Variants in HRH1 observed in about 807,000 individuals in gnomAD.
HRH1 encodes histamine H1 receptor.
In HRH1, 6 loss-of-function variants were observed where a neutral mutation model predicts 10.3. The observed-to-expected ratio is 0.58, with a 90% CI of 0.32 to 1.15. The LOEUF is 1.15. Among genes scored for constraint, HRH1 ranks in the 50% most tolerant of loss-of-function variants. The probability of loss-of-function intolerance (pLI) is 0.05; values close to 1 mark genes in which losing one functional copy is unlikely to be tolerated. For missense variants in HRH1, 514 were observed against 615.3 expected, an observed-to-expected ratio of 0.84 and a Z score of 1.74; for synonymous variants, 242 against 236.7, an observed-to-expected ratio of 1.02 and a Z score of -0.21.
chr3:11,194,155 G>A (rs946504366), intron 1 of HRH1, among the ~76,000 whole-genome samples: 3 of 152,184 alleles, frequency 2.0e-5, no homozygotes, highest in Non-Finnish European at 4.4e-5. Context: ...TGAGATGCTT[G>A]TATGAAGGAC....
chr3:11,146,549 A>G (rs1490150782), intron 1 of HRH1, among the ~76,000 whole-genome samples: 1 of 152,186 alleles, frequency 6.6e-6, no homozygotes, highest in Non-Finnish European at 1.5e-5. Flanking sequence ...CCAGACAAGA[A>G]TGAGGGAGAG....
In HRH1 at chr3:11,260,224, C is replaced by G. The variant is rs138501310; in HGVS notation, c.1187C>G (p.Ser396Trp). ...YIKFTWKRLR[S>W]HSRQYVSGLH... The stretch of plus-strand genomic sequence containing the variant: ...AAGTTTACTTGGAAGAGGCTCCGCT[C>G]GCATTCAAGACAGTATGTATCTGGG... The change falls in exon 2 of 2, where the codon TCG becomes TGG. Residue 396 changes from serine to tryptophan, a missense_variant. Ser to Trp is a radical substitution (Grantham distance 177). Transcript: ENST00000431010. 1.9e-6 allele frequency: 3 copies of G among 1,614,112 alleles called. No homozygotes were observed. In the South Asian group the frequency reaches 3.3e-5, roughly 18 times the overall value.
intron 1 of HRH1, among the ~76,000 whole-genome samples, chr3:11,246,512 A>C (rs535755359): frequency 6.6e-6 from 1 of 152,380 alleles, no homozygotes; most frequent in African/African-American, 2.4e-5. Context: ...CTCAGGGACC[A>C]GATTTTTCAA....
intron 1 of HRH1, among the ~76,000 whole-genome samples, chr3:11,140,510 G>A (rs1417967837): frequency 1.3e-5 from 2 of 152,012 alleles, no homozygotes; most frequent in Non-Finnish European, 2.9e-5. Flanking sequence ...CACCCTGGGA[G>A]CCCCTAGGGA....
intron 1 of HRH1, among the ~76,000 whole-genome samples, chr3:11,189,701 G>A (rs530557725): frequency 3.9e-5 from 6 of 152,178 alleles, no homozygotes; most frequent in African/African-American, 1.2e-4. Context: ...AGAGGCCAAA[G>A]GGGGTGGATC....
intron 1 of HRH1, among the ~76,000 whole-genome samples, chr3:11,250,109 C>G (rs1482149840): frequency 1.6e-5 from 2 of 127,834 alleles, no homozygotes; most frequent in South Asian, 5.1e-4. Context: ...GTGGCGCGAT[C>G]TCCGCTCACT....
At chr3:11,160,690 T>G (rs1160800358) in intron 1 of HRH1, among the ~76,000 whole-genome samples, 1 of 152,090 alleles carries the variant, frequency 6.6e-6, no homozygotes, top group Non-Finnish European at 1.5e-5. Flanking sequence ...CACACTCAAC[T>G]CCAGGGAACA....
intron 1 of HRH1, among the ~76,000 whole-genome samples, chr3:11,190,167 G>A (rs906121707): frequency 1.3e-5 from 2 of 151,814 alleles, no homozygotes; most frequent in East Asian, 2.0e-4. Flanking sequence ...TCCTGCCCTC[G>A]ATCAGCTGTC....
At chr3:11,252,371 C>A (rs138899105) in intron 1 of HRH1, among the ~76,000 whole-genome samples, 20 of 152,328 alleles carry the variant, frequency 1.3e-4, no homozygotes, top group African/African-American at 4.3e-4. Context: ...GCTGCTACTT[C>A]TTTTCTATCA....
intron 1 of HRH1, among the ~76,000 whole-genome samples, chr3:11,200,558 G>T (rs965453172): frequency 1.3e-5 from 2 of 152,176 alleles, no homozygotes; most frequent in Non-Finnish European, 2.9e-5. Flanking sequence ...GCTTCTCCAT[G>T]ATCCAGGCAT....
intron 1 of HRH1, among the ~76,000 whole-genome samples, chr3:11,201,108 G>A (rs1188574040): frequency 6.6e-6 from 1 of 152,182 alleles, no homozygotes; most frequent in Non-Finnish European, 1.5e-5. Context: ...GTATCCAGAG[G>A]CCCGCTGCTG....
At chr3:11,250,845 TTGTTTGTTG>T (rs534917749) in intron 1 of HRH1, among the ~76,000 whole-genome samples, 1 of 152,034 alleles carries the variant, frequency 6.6e-6, no homozygotes, top group Non-Finnish European at 1.5e-5. Context: ...TTTCTTTAGG[TTGTTTGTTG>T]GTTTTTCTGC....
chr3:11,201,852 C>G (rs1464361441), intron 1 of HRH1, among the ~76,000 whole-genome samples: 12 of 152,208 alleles, frequency 7.9e-5, no homozygotes, highest in Admixed American at 7.9e-4. Flanking sequence ...CTATTGTTAA[C>G]TTTTCCGAGA....
chr3:11,158,553 A>G (rs1246330371), intron 1 of HRH1, among the ~76,000 whole-genome samples: 1 of 152,198 alleles, frequency 6.6e-6, no homozygotes, highest in African/African-American at 2.4e-5. Flanking sequence ...TTAGTCTTCC[A>G]TGAACATGGT....
At chr3:11,138,353 C>T (rs1329581207) in intron 1 of HRH1, among the ~76,000 whole-genome samples, 1 of 151,974 alleles carries the variant, frequency 6.6e-6, no homozygotes, top group East Asian at 1.9e-4. Context: ...TCAACACACA[C>T]ACACAAAAAA....
intron 1 of HRH1, among the ~76,000 whole-genome samples, chr3:11,180,954 C>CACACACACAT: frequency 2.3e-5 from 2 of 86,618 alleles, no homozygotes; most frequent in Admixed American, 9.4e-5. Context: ...GGCATACACA[C>CACACACACAT]ACACACACAC....
chr3:11,139,523 G>A (rs1334634262), intron 1 of HRH1, among the ~76,000 whole-genome samples: 3 of 151,332 alleles, frequency 2.0e-5, no homozygotes, highest in Non-Finnish European at 1.5e-5. Context: ...CAGGTGATCC[G>A]CCCACCTCAG....
At chr3:11,173,451 G>A (rs993369662) in intron 1 of HRH1, among the ~76,000 whole-genome samples, 4 of 151,774 alleles carry the variant, frequency 2.6e-5, no homozygotes, top group Non-Finnish European at 5.9e-5. Flanking sequence ...CGCCCAGGCT[G>A]GAGTGCAGTG....
intron 1 of HRH1, among the ~76,000 whole-genome samples, chr3:11,250,135 C>G (rs748554029): frequency 2.7e-5 from 4 of 149,120 alleles, no homozygotes; most frequent in African/African-American, 4.9e-5. Context: ...CTCCGACTCC[C>G]GCGTTCACGC....
Sources: gnomAD v4.1 joint callset for allele counts (sites outside exome capture counted in the v4.1 genomes callset) on GRCh38, gnomAD v4.1.1 for gene constraint, MANE v1.5 for transcripts, NCBI Gene and HGNC (gene_info 2026-07-23, HGNC 2026-07-21) for gene names.